Variants in MDFI observed in about 807,000 individuals in gnomAD.
The protein encoded by MDFI is MyoD family inhibitor.
Under a neutral mutation model 22.3 loss-of-function variants are expected in MDFI, and 16 were observed. That is an observed-to-expected ratio of 0.72 (90% confidence interval 0.49 to 1.09). The LOEUF (loss-of-function observed/expected upper bound fraction) is 1.09, where lower values mean the gene tolerates loss of function less well. Among genes scored for constraint, MDFI ranks in the 50% least tolerant of loss-of-function variants. The probability of loss-of-function intolerance (pLI) is 0.00; values close to 1 mark genes in which losing one functional copy is unlikely to be tolerated. For synonymous variants in MDFI, 145 were observed against 142.7 expected (o/e 1.02, Z -0.12); for missense variants, 314 against 326.1 (o/e 0.96, Z 0.29).
chr6:41,646,290 C>A lies in MDFI; in HGVS notation c.241C>A (p.Pro81Thr). The change falls in exon 3 of 5, where the codon CCC becomes ACC. Residue 81 changes from proline to threonine, a missense_variant. Physicochemically the swap from Pro to Thr is conservative, Grantham distance 38. Coordinates refer to ENST00000230321, the MANE Select transcript of MDFI (RefSeq NM_005586.4). ...CCTGGACAGCACTGACCTCGACGTC[C>A]CCACAGAAGCTGTGACATGTGAGTC... ...QGLDSTDLDVPTEAVTCQPQG... is the reference protein window; with the variant it reads ...QGLDSTDLDVTTEAVTCQPQG... 1 of 1,448,250 alleles carries A rather than the reference C, an allele frequency of 6.9e-7. No individual in the cohort carries two copies. Among genetic ancestry groups the A allele is most frequent in the Non-Finnish European group, 9.1e-7 (1 of 1,097,460 alleles). The allele number at this position is 1,448,250 out of a possible 1,614,324, so 89.7% of individuals were successfully genotyped here.
chr6:41,641,167 A>T (rs1561828026), intron 2 of MDFI, among the ~76,000 whole-genome samples: 1 of 151,658 alleles, frequency 6.6e-6, no homozygotes, highest in Non-Finnish European at 1.5e-5. Flanking sequence ...GGCATTCCAA[A>T]CTCCAGAAAG....
chr6:41,641,136 C>T (rs1171188755), intron 2 of MDFI, among the ~76,000 whole-genome samples: 1 of 152,214 alleles, frequency 6.6e-6, no homozygotes, highest in East Asian at 1.9e-4. Flanking sequence ...ATTTCTTTCT[C>T]TTTCTCCTTC....
chr6:41,642,421 G>T (rs1169338268), intron 2 of MDFI, among the ~76,000 whole-genome samples: 3 of 152,170 alleles, frequency 2.0e-5, no homozygotes, highest in Non-Finnish European at 4.4e-5. Flanking sequence ...CCCCTCTGTG[G>T]CTGGACAGCG....
In MDFI at chr6:41,649,738, C is replaced by A. The variant is rs760076056; in HGVS notation, c.379C>A (p.His127Asn). Reference sequence around the variant, plus strand: ...TGGTGCCCTGGGTGGCCCCAAGGCCCACCGGAAGTTGCAGACACACCCATC... The same window carrying A: ...TGGTGCCCTGGGTGGCCCCAAGGCCAACCGGAAGTTGCAGACACACCCATC... The part of the protein sequence containing the change: ...GNGALGGPKA[H>N]RKLQTHPSLA... Residue 127 changes from histidine to asparagine, a missense_variant, in exon 4 of 5, where the codon CAC becomes AAC. His to Asn is a moderately conservative substitution (Grantham distance 68). Coordinates refer to ENST00000230321, the MANE Select transcript of MDFI (RefSeq NM_005586.4). 5.6e-6 allele frequency: 9 copies of A among 1,614,130 alleles called. No individual in the cohort carries two copies. The highest frequency in any genetic ancestry group is 7.6e-6 in the Non-Finnish European group (9 of 1,180,014).
intron 2 of MDFI, among the ~76,000 whole-genome samples, chr6:41,640,489 A>G (rs1767813245): frequency 1.3e-5 from 2 of 152,102 alleles, no homozygotes; most frequent in South Asian, 4.1e-4. Flanking sequence ...GGGCCAGACA[A>G]TGCGGCTTTC....
chr6:41,646,206 TC>T lies in MDFI; in HGVS notation c.160del (p.Leu54TrpfsTer32). The T allele has an allele frequency of 6.3e-7, 1 of 1,592,626 alleles. No individual in the cohort carries two copies. Among genetic ancestry groups the T allele is most frequent in the Non-Finnish European group, 8.5e-7 (1 of 1,169,800 alleles). On this transcript the variant is annotated frameshift_variant, in exon 3 of 5. Transcript: ENST00000230321. LOFTEE classifies it high-confidence loss of function. ...HPAEAAPEEG[S>X]LEEAATPMPQ... ...TGCGGAGGCAGCACCAGAGGAGGGC[TC>T]CCTGGAGGAGGCGGCAACCCCCATG...
At chr6:41,639,354 T>A in intron 2 of MDFI, 1 of 985,318 alleles carries the variant, frequency 1.0e-6, no homozygotes, top group Non-Finnish European at 1.2e-6. Flanking sequence ...TTCCCTCTCG[T>A]GCCGGCCAGT....
intron 4 of MDFI, chr6:41,650,123 C>G: frequency 2.4e-6 from 1 of 409,206 alleles, no homozygotes; most frequent in Non-Finnish European, 4.4e-6. Flanking sequence ...CCCCAAACCC[C>G]TCCCCATCCC....
chr6:41,650,392 A>G (rs986254696), intron 4 of MDFI, among the ~76,000 whole-genome samples: 4 of 152,126 alleles, frequency 2.6e-5, no homozygotes, highest in South Asian at 2.1e-4. Context: ...TCAGCCATCA[A>G]TTGAACATGG....
chr6:41,653,424 C>T lies in MDFI; in HGVS notation c.590C>T (p.Ser197Leu), dbSNP rs777367908. The T allele has an allele frequency of 2.1e-5, 34 of 1,608,158 alleles. No individual in the cohort carries two copies. Among genetic ancestry groups the T allele is most frequent in the Non-Finnish European group, 2.2e-5 (26 of 1,179,978 alleles). Residue 197 changes from serine (S) to leucine (L), a missense_variant, in exon 5 of 5, where the codon TCG becomes TTG. Coordinates refer to ENST00000230321, the MANE Select transcript of MDFI (RefSeq NM_005586.4). This position sits in a 1 kb window ranked among gnomAD's most constrained non-coding sequence, Gnocchi z 4.2. Reference protein sequence around the residue: ...ATCGSCSSEDSCLCCCCCGSG... With the variant: ...ATCGSCSSEDLCLCCCCCGSG... ...TGTGGCTCCTGCAGCTCGGAGGACT[C>T]GTGCCTCTGCTGCTGCTGCTGTGGC... is the stretch of plus-strand genomic sequence containing the variant.
Position 41,653,684 on chromosome 6 carries a change from C to G in MDFI, c.*109C>G. ...ACACAAGGCTTGAGAAGCCCCCTCT[C>G]CCTGGTCCTCTCCTACCCACCCATG... On this transcript the variant is annotated 3_prime_UTR_variant, in exon 5 of 5. Transcript: ENST00000230321. This position sits in a 1 kb window ranked among gnomAD's most constrained non-coding sequence, Gnocchi z 4.2. 1 of 1,397,248 alleles carries G rather than the reference C, an allele frequency of 7.2e-7. No individual in the cohort carries two copies. Among genetic ancestry groups the G allele is most frequent in the South Asian group, 1.3e-5 (1 of 76,406 alleles). The allele number at this position is 1,397,248 out of a possible 1,614,324, so 86.6% of individuals were successfully genotyped here.
At chr6:41,652,489 G>C (rs1048223283) in intron 4 of MDFI, among the ~76,000 whole-genome samples, 2 of 152,226 alleles carry the variant, frequency 1.3e-5, no homozygotes, top group Non-Finnish European at 2.9e-5. Flanking sequence ...GCGGTGTGGA[G>C]TGGAGATGCC....
At chr6:41,643,532 G>GGAAGGAAGGAAGGAA (rs1561829502) in intron 2 of MDFI, among the ~76,000 whole-genome samples, 22 of 130,074 alleles carry the variant, frequency 1.7e-4, no homozygotes, top group African/African-American at 6.5e-4. Context: ...ACAGGAAGGA[G>GGAAGGAAGGAAGGAA]GGAAGGAGGG....
Position 41,638,673 on chromosome 6 carries a change from C to T in MDFI, c.-12+21C>T. ...CACGAGTGAGTGGACGTGGGAGGCG[C>T]GCATCTGCGGGGGAATCGCCCCTTG... On this transcript the variant is annotated intron_variant, in intron 1 of 4. Transcript: ENST00000230321. This position sits in a 1 kb window ranked among gnomAD's most constrained non-coding sequence, Gnocchi z 7.6. 6.9e-7 allele frequency: 1 copy of T among 1,440,754 alleles called. No individual in the cohort carries two copies. Among genetic ancestry groups the T allele is most frequent in the Admixed American group, 2.0e-5 (1 of 50,402 alleles). 89.2% of individuals were successfully genotyped at this position (1,440,754 alleles called of 1,614,324 possible).
At chr6:41,652,324 G>A (rs1302946755) in intron 4 of MDFI, among the ~76,000 whole-genome samples, 1 of 152,240 alleles carries the variant, frequency 6.6e-6, no homozygotes, top group African/African-American at 2.4e-5. Context: ...AGTGGGAGAA[G>A]AGAACTAAGA....
At position 41,649,831 on chromosome 6, in the gene MDFI, C is replaced by T; in HGVS notation, c.472C>T (p.Gln158Ter). The change falls in exon 4 of 5, where the codon CAG becomes TAG. Residue 158 changes from glutamine (Q) to a stop codon, truncating the protein, a stop_gained. Transcript: ENST00000230321. LOFTEE classifies it high-confidence loss of function. The part of the protein sequence containing the change: ...SKSTTSQIPL[Q>*]AQEDCCVHCI... ...ATCCACCACCTCCCAGATCCCCCTC[C>T]AGGCACAGGAAGGTAAGCACCCATC... 1 of 1,613,488 alleles carries T rather than the reference C, an allele frequency of 6.2e-7. No homozygotes were observed. Among genetic ancestry groups the T allele is most frequent in the Non-Finnish European group, 8.5e-7 (1 of 1,179,746 alleles).
At chr6:41,646,043 G>A in intron 2 of MDFI, 83 bp from the exon 3 acceptor site, 2 of 1,252,312 alleles carry the variant, frequency 1.6e-6, no homozygotes, top group Middle Eastern at 2.0e-4. Context: ...CAGTGGGCAT[G>A]CTGGGCTGTG....
chr6:41,641,793 A>C (rs944275117), intron 2 of MDFI, among the ~76,000 whole-genome samples: 3 of 152,000 alleles, frequency 2.0e-5, no homozygotes, highest in Admixed American at 6.6e-5. Context: ...TTTGGCTGAA[A>C]CTCCCATGGG....
At chr6:41,644,334 C>G (rs572054807) in intron 2 of MDFI, among the ~76,000 whole-genome samples, 6 of 152,318 alleles carry the variant, frequency 3.9e-5, no homozygotes, top group Non-Finnish European at 7.4e-5. Flanking sequence ...ACTCTCCTGC[C>G]CTGCACAAAT....
Sources: gnomAD v4.1 joint callset for allele counts (sites outside exome capture counted in the v4.1 genomes callset) on GRCh38, gnomAD v4.1.1 for gene constraint, Gnocchi (gnomAD v3.1) non-coding constraint, MANE v1.5 for transcripts, NCBI Gene and HGNC (gene_info 2026-07-23, HGNC 2026-07-21) for gene names.